Variants in TENT4A observed in about 807,000 individuals in gnomAD.
TENT4A encodes the protein DNA polymerase kappa.
TENT4A carries 7 observed loss-of-function variants against 72.8 expected under a neutral mutation model. The ratio of observed to expected loss-of-function variants is 0.10; its 90% confidence interval spans 0.05 to 0.18. TENT4A has a LOEUF of 0.18. Ranked by LOEUF, TENT4A falls within the 10% of genes least tolerant of loss-of-function variation. The pLI, the probability that TENT4A is intolerant of heterozygous loss-of-function variation, is 1.00. For synonymous variants in TENT4A, 456 were observed against 434.3 expected (o/e 1.05, Z -0.62); for missense variants, 831 against 1,017.7 (o/e 0.82, Z 2.50).
At chr5:6,743,915 G>T in intron 6 of TENT4A, 75 bp downstream of exon 6, 2 of 1,350,710 alleles carry the variant, frequency 1.5e-6, no homozygotes, top group Non-Finnish European at 2.1e-6. Context: ...TTGCCTAGTG[G>T]GTTCCAGCAG....
At position 6,714,130 on chromosome 5, in the gene TENT4A, C is replaced by G; in HGVS notation, c.147C>G (p.Asp49Glu). ...TCTGCCTCAACTCGCCGGCGCTGGA[C>G]ACGGCGGCCGCGGCGGGGGCGGCCG... ...SYFCLNSPAL[D>E]TAAAAGAAGR... The change falls in exon 1 of 13, where the codon GAC (aspartate) becomes GAG (glutamate). Residue 49 changes from aspartate to glutamate, a missense_variant. Asp to Glu is a conservative substitution (Grantham distance 45, BLOSUM62 2). This residue lies in a region of TENT4A where 302 missense variants were observed against 293.8 expected (regional missense o/e 1.03). Coordinates refer to ENST00000230859, the MANE Select transcript of TENT4A (RefSeq NM_006999.6). 1.0e-6 allele frequency: 1 copy of G among 979,124 alleles called. No individual in the cohort carries two copies. The highest frequency in any genetic ancestry group is 1.2e-6 in the Non-Finnish European group (1 of 827,374). 60.7% of individuals were successfully genotyped at this position (979,124 alleles called of 1,614,324 possible).
chr5:6,743,285 C>T (rs973263425), intron 5 of TENT4A, among the ~76,000 whole-genome samples: 43 of 152,190 alleles, frequency 2.8e-4, no homozygotes, highest in African/African-American at 9.9e-4. Flanking sequence ...ACACGAACAG[C>T]AGCAGCCAGG....
chr5:6,742,858 G>A (rs1477053502), intron 5 of TENT4A, among the ~76,000 whole-genome samples: 1 of 152,188 alleles, frequency 6.6e-6, no homozygotes, highest in Non-Finnish European at 1.5e-5. Flanking sequence ...GTTCTTTCTA[G>A]TTATTACAGA....
Position 6,751,071 on chromosome 5 carries a change from T to C in TENT4A, c.1893T>C (p.Ser631=), listed in dbSNP as rs1394408584. The C allele has an allele frequency of 6.2e-7, 1 of 1,614,082 alleles. No individual in the cohort carries two copies. The highest frequency in any genetic ancestry group is 8.5e-7 in the Non-Finnish European group (1 of 1,180,026). The change falls in exon 11 of 13, where the codon AGT becomes AGC. Residue 631 remains serine (S), a synonymous_variant. Coordinates refer to ENST00000230859, the MANE Select transcript of TENT4A (RefSeq NM_006999.6). ...ACACACCGCCCTGCACAACGCCCAG[T>C]GTTTACCAGTTCAGTCTGCAAGCGC... ...DSDTPPCTTP[S]VYQFSLQAPA...
chr5:6,735,267 C>G (rs552062107), intron 1 of TENT4A, among the ~76,000 whole-genome samples: 1 of 151,312 alleles, frequency 6.6e-6, no homozygotes, highest in East Asian at 1.9e-4. Context: ...CTAAATTTCT[C>G]TACTCCTGTT....
rs896424210 is a variant in TENT4A at position 6,714,370 on chromosome 5, G to C, written c.387G>C (p.Ser129=). 4.5e-5 allele frequency: 51 copies of C among 1,136,978 alleles called. No homozygotes were observed. In the African/African-American group the frequency reaches 7.3e-4, roughly 16 times the overall value. 70.4% of individuals were successfully genotyped at this position (1,136,978 alleles called of 1,614,324 possible). A position where few individuals can be genotyped will look rare whatever the true frequency, so the allele number is the denominator to read the frequency against. ...AESGTESPGC[S]SSSSSSASLG... ...CGGGCACCGAGAGCCCCGGCTGCTC[G>C]TCGTCGTCCTCCAGCAGCGCCTCGC... is the stretch of plus-strand genomic sequence containing the variant. Residue 129 remains serine, a synonymous_variant, in exon 1 of 13, where the codon TCG becomes TCC. Coordinates refer to ENST00000230859, the MANE Select transcript of TENT4A (RefSeq NM_006999.6).
At chr5:6,748,927 A>G (rs1248534091) in intron 8 of TENT4A, among the ~76,000 whole-genome samples, 1 of 152,184 alleles carries the variant, frequency 6.6e-6, no homozygotes, top group East Asian at 1.9e-4. Context: ...GCATTTTTAC[A>G]GTCCCAAAAT....
chr5:6,743,518 C>G (rs563274148), intron 5 of TENT4A, among the ~76,000 whole-genome samples, 194 bp from the exon 6 acceptor site: 1 of 152,148 alleles, frequency 6.6e-6, no homozygotes, highest in East Asian at 1.9e-4. Flanking sequence ...TCCACAGTCT[C>G]GATTTTCACA....
chr5:6,746,522 A>C, intron 7 of TENT4A, 95 bp downstream of exon 7: 1 of 1,093,338 alleles, frequency 9.1e-7, no homozygotes, highest in Non-Finnish European at 1.4e-6. Context: ...AGCCCCGGGC[A>C]GTTCATTTGC....
At chr5:6,734,566 C>G (rs865950413) in intron 1 of TENT4A, among the ~76,000 whole-genome samples, 18 of 152,392 alleles carry the variant, frequency 1.2e-4, no homozygotes, top group South Asian at 2.1e-4. Flanking sequence ...TGGCCGGGCC[C>G]CCGGCAGTTT....
intron 8 of TENT4A, among the ~76,000 whole-genome samples, chr5:6,748,944 A>G (rs1742250421): frequency 6.6e-6 from 1 of 152,188 alleles, no homozygotes; most frequent in South Asian, 2.1e-4. Context: ...AAATGTAGTC[A>G]GAAGTATTTA....
chr5:6,747,746 A>G (rs745971537), intron 7 of TENT4A, among the ~76,000 whole-genome samples: 6 of 152,262 alleles, frequency 3.9e-5, no homozygotes, highest in Admixed American at 2.0e-4. Context: ...ATAAAACTCC[A>G]GTACTTAGAA....
chr5:6,736,199 T>C (rs1465236663), intron 1 of TENT4A, among the ~76,000 whole-genome samples: 2 of 152,208 alleles, frequency 1.3e-5, no homozygotes, highest in African/African-American at 4.8e-5. Context: ...AGCCTAGCCT[T>C]AAGCCCTCTG....
intron 6 of TENT4A, among the ~76,000 whole-genome samples, chr5:6,744,648 G>T (rs28381386): frequency 9.9e-5 from 15 of 152,196 alleles, no homozygotes; most frequent in Admixed American, 8.5e-4. Context: ...TGTGATGATC[G>T]CAGCTTCCTT....
intron 1 of TENT4A, among the ~76,000 whole-genome samples, chr5:6,725,313 T>G (rs1740857732): frequency 6.6e-6 from 1 of 151,960 alleles, no homozygotes; most frequent in African/African-American, 2.4e-5. Flanking sequence ...AGAGCGAGAC[T>G]CCGTCTCAAA....
At chr5:6,736,271 T>A (rs1741488226) in intron 1 of TENT4A, among the ~76,000 whole-genome samples, 1 of 152,126 alleles carries the variant, frequency 6.6e-6, no homozygotes, top group Non-Finnish European at 1.5e-5. Context: ...TGGCAATACT[T>A]TAGGTGACTG....
intron 1 of TENT4A, among the ~76,000 whole-genome samples, chr5:6,726,460 C>T (rs761698670): frequency 6.6e-6 from 1 of 152,198 alleles, no homozygotes; most frequent in Non-Finnish European, 1.5e-5. Context: ...CTGGTCAGCT[C>T]AGTCCTGTGG....
rs1217631470 is a variant in TENT4A, at chr5:6,751,534, G to A, written c.2019+337G>A. On this transcript the variant is annotated intron_variant, in intron 11 of 12. Coordinates refer to ENST00000230859, the MANE Select transcript of TENT4A (RefSeq NM_006999.6). ...GAGCGACTCAGTCACGACCCACTTA[G>A]CTGGGCGCCAAGCCGTGCCAGACAC... The A allele has an allele frequency of 2.5e-5, 6 of 235,640 alleles. No homozygotes were observed. In the South Asian group the frequency reaches 3.5e-4, roughly 14 times the overall value. 14.6% of individuals were successfully genotyped at this position (235,640 alleles called of 1,614,324 possible).
At position 6,714,678 on chromosome 5, in the gene TENT4A, C is replaced by G; in HGVS notation, c.695C>G (p.Ala232Gly). 1 of 1,195,770 alleles carries G rather than the reference C, an allele frequency of 8.4e-7. No homozygotes were observed. Among genetic ancestry groups the G allele is most frequent in the Non-Finnish European group, 1.0e-6 (1 of 964,642 alleles). The allele number at this position is 1,195,770 out of a possible 1,614,324, so 74.1% of individuals were successfully genotyped here. A position where few individuals can be genotyped will look rare whatever the true frequency, so the allele number is the denominator to read the frequency against. ...PRPGTPWKSR[A>G]YSPGIQGLHE... ...CCCGGCACCCCGTGGAAGAGCCGCGCGTACAGCCCGGGCATCCAGGGGTGA... is the reference window on the plus strand; with the variant it reads ...CCCGGCACCCCGTGGAAGAGCCGCGGGTACAGCCCGGGCATCCAGGGGTGA... The change falls in exon 1 of 13, where the codon GCG becomes GGG. Residue 232 changes from alanine to glycine, a missense_variant. Transcript: ENST00000230859.
Sources: gnomAD v4.1 joint callset for allele counts (sites outside exome capture counted in the v4.1 genomes callset) on GRCh38, gnomAD v4.1.1 for gene constraint, gnomAD v4.1.1 regional missense constraint, MANE v1.5 for transcripts, NCBI Gene and HGNC (gene_info 2026-07-23, HGNC 2026-07-21) for gene names.